PBX1: variants seen among roughly 807,000 people sequenced by gnomAD.
PBX1 encodes the protein PBX homeobox 1, also known as pre-B-cell leukemia transcription factor 1.
A neutral mutation model predicts 53.4 loss-of-function variants in PBX1; 6 were observed. The ratio of observed to expected loss-of-function variants is 0.11; its 90% CI spans 0.06 to 0.22. The LOEUF (loss-of-function observed/expected upper bound fraction) is 0.22, where lower values mean the gene tolerates loss of function less well. Among genes scored for constraint, PBX1 ranks in the 10% least tolerant of loss-of-function variants. The probability of loss-of-function intolerance (pLI) is 1.00; values close to 1 mark genes in which losing one functional copy is unlikely to be tolerated. For synonymous variants in PBX1, 204 were observed against 212.3 expected, an observed-to-expected ratio of 0.96 and a Z score of 0.34; for missense variants, 251 against 551.4, an observed-to-expected ratio of 0.46 and a Z score of 5.46.
In PBX1 at chr1:164,851,162, T is replaced by C. The variant is rs1188500615; in HGVS notation, c.*4486T>C. 4 of 216,214 alleles carry C rather than the reference T, an allele frequency of 1.9e-5. No homozygotes were observed. The highest frequency in any genetic ancestry group is 3.7e-5 in the Non-Finnish European group (4 of 107,412). The allele number at this position is 216,214 out of a possible 1,614,324, so 13.4% of individuals were successfully genotyped here. A position where few individuals can be genotyped will look rare whatever the true frequency, so the allele number is the denominator to read the frequency against. ...GTAACCTCTGACTTAGGCAGCTGCT[T>C]AAAGCAAATTGCAAAACTGGCTTGA... On this transcript the variant is annotated 3_prime_UTR_variant, in exon 9 of 9. Coordinates refer to ENST00000420696, the MANE Select transcript of PBX1 (RefSeq NM_002585.4).
intron 2 of PBX1, among the ~76,000 whole-genome samples, chr1:164,858,423 GCT>G (rs1352929676): frequency 6.7e-6 from 1 of 148,884 alleles, no homozygotes; most frequent in East Asian, 2.0e-4. Context: ...CTGATAAAAT[GCT>G]CTGTCACCAC....
chr1:164,602,543 G>T (rs576244290), intron 2 of PBX1, among the ~76,000 whole-genome samples: 2 of 152,160 alleles, frequency 1.3e-5, no homozygotes, highest in South Asian at 4.2e-4. Flanking sequence ...ACTTAGACAT[G>T]CTGCTCACCC....
chr1:164,784,647 C>T (rs1191848698), intron 2 of PBX1, among the ~76,000 whole-genome samples: 1 of 152,244 alleles, frequency 6.6e-6, no homozygotes, highest in African/African-American at 2.4e-5. Context: ...AAGTTTTACA[C>T]ATTGTGGCTG....
At chr1:164,620,693 T>G (rs76900468) in intron 2 of PBX1, among the ~76,000 whole-genome samples, 1 of 152,234 alleles carries the variant, frequency 6.6e-6, no homozygotes, top group East Asian at 1.9e-4. Flanking sequence ...TCTTTTCTTT[T>G]TTTTTTTGTG....
At chr1:164,875,994 A>ACC (rs1431191249) in intron 2 of PBX1, among the ~76,000 whole-genome samples, 1 of 54,452 alleles carries the variant, frequency 1.8e-5, no homozygotes, top group Admixed American at 3.5e-4. Flanking sequence ...ATGTGTATAT[A>ACC]TATATATATA....
chr1:164,812,605 T>C (rs1259110555), intron 6 of PBX1: 1 of 152,934 alleles, frequency 6.5e-6, no homozygotes, highest in Non-Finnish European at 1.5e-5. Context: ...AAATATTTAC[T>C]CTTCTAGCAA....
chr1:164,794,207 A>AG (rs1668675885), intron 3 of PBX1, among the ~76,000 whole-genome samples: 2 of 152,148 alleles, frequency 1.3e-5, no homozygotes, highest in Admixed American at 6.5e-5. Context: ...AAGAAGACAG[A>AG]GAAAAAGTGG....
At chr1:164,682,291 C>T (rs866088311) in intron 2 of PBX1, 16 of 152,176 alleles carry the variant, frequency 1.1e-4, no homozygotes, top group African/African-American at 3.6e-4. Flanking sequence ...GATTTGGAAT[C>T]ATCCACTTTT....
chr1:164,715,056 A>G (rs1241025644), intron 2 of PBX1, among the ~76,000 whole-genome samples: 2 of 151,488 alleles, frequency 1.3e-5, no homozygotes, highest in African/African-American at 4.9e-5. Context: ...GGACTGTGCC[A>G]TCCATCTCAG....
intron 2 of PBX1, among the ~76,000 whole-genome samples, chr1:164,678,374 C>A (rs968774260): frequency 1.3e-5 from 2 of 152,202 alleles, no homozygotes; most frequent in Non-Finnish European, 2.9e-5. Context: ...CTCCTCGGGT[C>A]TGTGTCTCTA....
At chr1:164,854,196 G>A (rs12145414), downstream of PBX1, 55,005 of 151,878 alleles carry the variant, frequency 0.36, 10,559 homozygotes, top group African/African-American at 0.48. Context: ...ATGAGCCACC[G>A]CACCTGGCCA....
intron 2 of PBX1, among the ~76,000 whole-genome samples, chr1:164,574,737 T>A (rs970329553): frequency 6.6e-6 from 1 of 152,066 alleles, no homozygotes; most frequent in East Asian, 1.9e-4. Flanking sequence ...ATCCCAGCAC[T>A]TTGGGAGGCC....
intron 2 of PBX1, among the ~76,000 whole-genome samples, chr1:164,776,619 T>G (rs886092220): frequency 6.6e-6 from 1 of 152,198 alleles, no homozygotes; most frequent in African/African-American, 2.4e-5. Context: ...TCCAAATGGA[T>G]GAATTGTGCC....
At chr1:164,712,502 C>T (rs779306762) in intron 2 of PBX1, among the ~76,000 whole-genome samples, 12 of 152,162 alleles carry the variant, frequency 7.9e-5, no homozygotes, top group African/African-American at 1.9e-4. Context: ...GGAGCCCAAT[C>T]GAGTGGTACA....
At chr1:164,645,863 C>A (rs548073164) in intron 2 of PBX1, among the ~76,000 whole-genome samples, 5 of 152,086 alleles carry the variant, frequency 3.3e-5, no homozygotes, top group Admixed American at 1.3e-4. Flanking sequence ...TAACAATGGG[C>A]GCTTTGAATT....
At chr1:164,871,525 T>C (rs2102455068) in intron 2 of PBX1, among the ~76,000 whole-genome samples, 1 of 152,340 alleles carries the variant, frequency 6.6e-6, no homozygotes, top group Admixed American at 6.5e-5. Context: ...ACAGATTTCA[T>C]GGCACCTCAC....
intron 2 of PBX1, among the ~76,000 whole-genome samples, chr1:164,870,740 C>CAAATCTAA (rs1257805549): frequency 3.3e-5 from 5 of 152,142 alleles, no homozygotes; most frequent in African/African-American, 1.2e-4. Context: ...TCTAGCCAAA[C>CAAATCTAA]AAATCTAAAA....
chr1:164,838,673 A>G (rs556298592), intron 8 of PBX1, among the ~76,000 whole-genome samples: 1 of 152,234 alleles, frequency 6.6e-6, no homozygotes, highest in African/African-American at 2.4e-5. Flanking sequence ...TCTGAGATCT[A>G]GTTTTCTCTC....
In PBX1 at chr1:164,559,671, T is replaced by G. The variant is rs886076794; in HGVS notation, c.-152T>G. 87 of 541,120 alleles carry G rather than the reference T, an allele frequency of 1.6e-4. No homozygotes were observed. Among genetic ancestry groups the G allele is most frequent in the Non-Finnish European group, 2.6e-4 (82 of 320,404 alleles). The allele number at this position is 541,120 out of a possible 1,614,324, so 33.5% of individuals were successfully genotyped here. A position where few individuals can be genotyped will look rare whatever the true frequency, so the allele number is the denominator to read the frequency against. ...ATCCTCTAAAGAGGCAAAGGGATTT[T>G]TTTTTTCTTTTGGTCTTCTTTTTTC... On this transcript the variant is annotated 5_prime_UTR_variant, in exon 1 of 9. Coordinates refer to ENST00000420696, the MANE Select transcript of PBX1 (RefSeq NM_002585.4).
Sources: gnomAD v4.1 joint callset for allele counts (sites outside exome capture counted in the v4.1 genomes callset) on GRCh38, gnomAD v4.1.1 for gene constraint, MANE v1.5 for transcripts, NCBI Gene and HGNC (gene_info 2026-07-23, HGNC 2026-07-21) for gene names.